Variants in REPS1 observed in about 807,000 individuals in gnomAD.
REPS1 encodes RALBP1 associated Eps domain containing 1, also known as ralBP1-associated Eps domain-containing protein 1.
A neutral mutation model predicts 100.9 loss-of-function variants in REPS1; 39 were observed. That is an observed-to-expected ratio of 0.39 (90% CI 0.30 to 0.50). REPS1 has a LOEUF of 0.50. Ranked by LOEUF, REPS1 falls within the 20% of genes least tolerant of loss-of-function variation. The pLI is 0.86. For missense variants in REPS1, 821 were observed against 968.5 expected (o/e 0.85, Z 2.02); for synonymous variants, 324 against 340.3 (o/e 0.95, Z 0.53).
intron 13 of REPS1, 38 bp from the exon 14 acceptor site, chr6:138,916,014 G>T: frequency 7.1e-7 from 1 of 1,408,896 alleles, no homozygotes; most frequent in Non-Finnish European, 1.0e-6. Context: ...TCATACTACT[G>T]ATATCAGAGC....
At chr6:138,961,383 C>A (rs1783731529) in intron 1 of REPS1, among the ~76,000 whole-genome samples, 1 of 152,100 alleles carries the variant, frequency 6.6e-6, no homozygotes, top group Non-Finnish European at 1.5e-5. Context: ...ATTACAGACG[C>A]CCGCCACCAC....
At chr6:138,913,148 A>G (rs1780123458) in intron 15 of REPS1, among the ~76,000 whole-genome samples, 198 bp from the exon 16 acceptor site, 1 of 152,230 alleles carries the variant, frequency 6.6e-6, no homozygotes, top group Non-Finnish European at 1.5e-5. Flanking sequence ...ACACTAAAAA[A>G]AAAATTAAGA....
At chr6:138,946,742 T>C (rs545049125) in intron 2 of REPS1, among the ~76,000 whole-genome samples, 3 of 152,364 alleles carry the variant, frequency 2.0e-5, no homozygotes, top group African/African-American at 7.2e-5. Context: ...AATTTTTCTC[T>C]TTCCCCTTTA....
In REPS1 at chr6:138,923,210, T is replaced by TA. The variant is rs748570783; in HGVS notation, c.1339-2087dup. On this transcript the variant is annotated intron_variant, in intron 10 of 19. Transcript: ENST00000450536. ...AAGATATTAAGTTATATGTTGGTTA[T>TA]AAAAACATGGCTTTAGGAGCAACTC... Among the ~76,000 whole-genome samples the TA allele has an allele frequency of 2.0e-5, 3 of 152,308 alleles. 1 individual carries two copies.
intron 1 of REPS1, among the ~76,000 whole-genome samples, chr6:138,964,567 C>A (rs9376388): frequency 0.4 from 60,551 of 151,640 alleles, 12,531 homozygotes; most frequent in East Asian, 0.63. Flanking sequence ...TTTAGCCATT[C>A]CACAATGTAT....
intron 8 of REPS1, among the ~76,000 whole-genome samples, chr6:138,931,537 T>C (rs1414004091): frequency 6.6e-6 from 1 of 152,206 alleles, no homozygotes; most frequent in Non-Finnish European, 1.5e-5. Context: ...CAAGTTCTAA[T>C]CTGCAGTCCA....
chr6:138,986,975 T>C (rs1297887080), intron 1 of REPS1, among the ~76,000 whole-genome samples: 2 of 152,206 alleles, frequency 1.3e-5, no homozygotes, highest in Non-Finnish European at 2.9e-5. Flanking sequence ...CTACAGATAA[T>C]TACAACTTCT....
intron 10 of REPS1, among the ~76,000 whole-genome samples, chr6:138,922,175 C>T (rs1780818471): frequency 6.6e-6 from 1 of 152,134 alleles, no homozygotes; most frequent in Non-Finnish European, 1.5e-5. Flanking sequence ...CAGTAAACTG[C>T]TCAAGAAAAT....
At chr6:138,934,324 G>A (rs930730426) in intron 8 of REPS1, 1 of 470,810 alleles carries the variant, frequency 2.1e-6, no homozygotes, top group Non-Finnish European at 4.4e-6. Context: ...CAGAGCATCA[G>A]GGCTGAAAAA....
At chr6:138,940,340 G>A (rs2750415) in intron 8 of REPS1, among the ~76,000 whole-genome samples, 123,853 of 152,222 alleles carry the variant, frequency 0.81, 50,586 homozygotes, top group African/African-American at 0.86. Context: ...ACTGAAGACA[G>A]TAATTTATTT....
chr6:138,913,914 G>A (rs780622877), intron 15 of REPS1, among the ~76,000 whole-genome samples: 1 of 152,014 alleles, frequency 6.6e-6, no homozygotes, highest in East Asian at 1.9e-4. Context: ...CATGTATAAT[G>A]TGATCCTTAA....
rs778160787 is a variant in REPS1 at position 138,905,000 on chromosome 6, C to T, written c.*64G>A. ...AGCAGTGAGCTGAATGTCTAGGTCT[C>T]CAAATTGGCTTTGAACCCAAAACCA... is the stretch of plus-strand genomic sequence containing the variant. On this transcript the variant is annotated 3_prime_UTR_variant, in exon 20 of 20. Coordinates refer to ENST00000450536, the MANE Select transcript of REPS1 (RefSeq NM_001286611.2). 6.9e-5 allele frequency: 96 copies of T among 1,390,250 alleles called. No homozygotes were observed. Among genetic ancestry groups the T allele is most frequent in the Non-Finnish European group, 9.2e-5 (90 of 979,732 alleles). 86.1% of individuals were successfully genotyped at this position (1,390,250 alleles called of 1,614,324 possible).
At chr6:138,947,535 T>TA (rs1782719826) in intron 2 of REPS1, among the ~76,000 whole-genome samples, 2 of 152,198 alleles carry the variant, frequency 1.3e-5, no homozygotes, top group Non-Finnish European at 2.9e-5. Flanking sequence ...AATTAATTCT[T>TA]AAAAAATTGC....
chr6:138,953,342 T>C (rs539212041), intron 1 of REPS1, among the ~76,000 whole-genome samples: 1 of 151,944 alleles, frequency 6.6e-6, no homozygotes, highest in Admixed American at 6.6e-5. Flanking sequence ...AATAAACAAA[T>C]GGGATTGTAT....
intron 1 of REPS1, among the ~76,000 whole-genome samples, chr6:138,972,577 T>G (rs1301897257): frequency 6.6e-6 from 1 of 152,064 alleles, no homozygotes; most frequent in Admixed American, 6.5e-5. Context: ...ACTACATGCT[T>G]GTCTACCACT....
chr6:138,974,220 A>C (rs1784481086), intron 1 of REPS1, among the ~76,000 whole-genome samples: 1 of 152,232 alleles, frequency 6.6e-6, no homozygotes, highest in African/African-American at 2.4e-5. Flanking sequence ...GCAATGCCAC[A>C]GGATAACTAA....
At chr6:138,932,467 C>G (rs915756930) in intron 8 of REPS1, among the ~76,000 whole-genome samples, 4 of 151,096 alleles carry the variant, frequency 2.6e-5, no homozygotes, top group Admixed American at 2.6e-4. Context: ...TTACCCCCCC[C>G]CACATACATA....
chr6:138,975,711 G>C (rs1225566604), intron 1 of REPS1, among the ~76,000 whole-genome samples: 2 of 152,152 alleles, frequency 1.3e-5, no homozygotes, highest in African/African-American at 4.8e-5. Context: ...GCAGGCGCCT[G>C]TAATCCCAGC....
rs982820424 is a variant in REPS1, at chr6:138,908,947, C to G, written c.2068-131G>C. 4.9e-5 allele frequency: 39 copies of G among 797,532 alleles called. No homozygotes were observed. In the African/African-American group the frequency reaches 6.7e-4, roughly 14 times the overall value. The allele number at this position is 797,532 out of a possible 1,614,324, so 49.4% of individuals were successfully genotyped here. Reference sequence around the variant, plus strand: ...GAAAGTTACTTGTCCTACTTTAAATCTATATATTTGTGGCAAGAGCTAACT... The same window carrying G: ...GAAAGTTACTTGTCCTACTTTAAATGTATATATTTGTGGCAAGAGCTAACT... On this transcript the variant is annotated intron_variant, in intron 17 of 19. Coordinates refer to ENST00000450536, the MANE Select transcript of REPS1 (RefSeq NM_001286611.2).
Sources: gnomAD v4.1 joint callset for allele counts (sites outside exome capture counted in the v4.1 genomes callset) on GRCh38, gnomAD v4.1.1 for gene constraint, MANE v1.5 for transcripts, NCBI Gene and HGNC (gene_info 2026-07-23, HGNC 2026-07-21) for gene names.